The following HDAC9 variants were observed in gnomAD, a reference collection of about 807,000 sequenced individuals.
HDAC9 encodes MEF-2 interacting transcription repressor (MITR) protein.
A neutral mutation model predicts 139.4 loss-of-function variants in HDAC9; 41 were observed. That is an observed-to-expected ratio of 0.29 (90% CI 0.23 to 0.38). HDAC9 has a LOEUF of 0.38. HDAC9 is among the 10% of genes least tolerant of loss of function. HDAC9 has a pLI of 1.00. For missense variants in HDAC9, 1,147 were observed against 1,297.0 expected (o/e 0.88, Z 1.78); for synonymous variants, 517 against 476.2 (o/e 1.09, Z -1.12).
intron 1 of HDAC9, among the ~76,000 whole-genome samples, chr7:18,471,330 G>A (rs140093549): frequency 6.6e-6 from 1 of 152,140 alleles, no homozygotes. Flanking sequence ...TGATATCTGG[G>A]TAATCAAGTC....
chr7:18,877,864 A>G (rs148398577), intron 22 of HDAC9, among the ~76,000 whole-genome samples: 1 of 152,134 alleles, frequency 6.6e-6, no homozygotes, highest in African/African-American at 2.4e-5. Context: ...GTTTTCTGTT[A>G]TGAAACTACA....
chr7:18,621,368 A>G (rs953696608), intron 6 of HDAC9, among the ~76,000 whole-genome samples: 15 of 152,004 alleles, frequency 9.9e-5, no homozygotes, highest in Non-Finnish European at 2.9e-5. Flanking sequence ...CATAATCGGA[A>G]GCAAGCAATA....
intron 1 of HDAC9, among the ~76,000 whole-genome samples, chr7:18,441,502 A>G (rs111511086): frequency 0.032 from 4,900 of 152,280 alleles, 96 homozygotes; most frequent in African/African-American, 0.057. Flanking sequence ...TTTTCTATAT[A>G]GTGGTACAAC....
rs185489638 is a variant in HDAC9 at position 18,567,285 on chromosome 7, C to G, written c.23-17996C>G. On this transcript the variant is annotated intron_variant, in intron 2 of 25. Transcript: ENST00000686413. Reference sequence around the variant, plus strand: ...GGTTCTATGGCTATACTTCTCCCCCCTAACTGGGCAAGGCGAGGAAACCTG... The same window carrying G: ...GGTTCTATGGCTATACTTCTCCCCCGTAACTGGGCAAGGCGAGGAAACCTG... 1.3e-4 allele frequency among the ~76,000 whole-genome samples: 20 copies of G among 152,262 alleles called. No homozygotes were observed. In the South Asian group the frequency reaches 2.3e-3, roughly 17 times the overall value.
chr7:18,636,859 A>G (rs1370127311), intron 8 of HDAC9, among the ~76,000 whole-genome samples: 1 of 141,378 alleles, frequency 7.1e-6, no homozygotes, highest in Non-Finnish European at 1.5e-5. Context: ...TTCCAGGAAA[A>G]GAACAACTTG....
chr7:18,759,675 G>A (rs973644096), intron 14 of HDAC9, among the ~76,000 whole-genome samples: 1 of 152,116 alleles, frequency 6.6e-6, no homozygotes, highest in Non-Finnish European at 1.5e-5. Flanking sequence ...TGTCTTCCAC[G>A]AAACTGGTCT....
At chr7:18,767,299 A>T (rs1237821736) in intron 16 of HDAC9, 144 bp downstream of exon 16, 1 of 488,342 alleles carries the variant, frequency 2.0e-6, no homozygotes, top group Non-Finnish European at 3.7e-6. Flanking sequence ...TGCAGAGCTA[A>T]GTGCCAAGTA....
chr7:18,298,303 T>C (rs1479360470), intron 1 of HDAC9, among the ~76,000 whole-genome samples: 1 of 151,896 alleles, frequency 6.6e-6, no homozygotes, highest in Non-Finnish European at 1.5e-5. Flanking sequence ...TTTTTTATTA[T>C]ACTTTAAGTT....
chr7:18,933,357 T>C (rs1804952158), intron 22 of HDAC9, among the ~76,000 whole-genome samples: 1 of 151,986 alleles, frequency 6.6e-6, no homozygotes, highest in Non-Finnish European at 1.5e-5. Flanking sequence ...CTAATCTGGA[T>C]TAAAGAGTGC....
chr7:18,639,862 T>C (rs898057000), intron 8 of HDAC9, among the ~76,000 whole-genome samples: 1 of 151,960 alleles, frequency 6.6e-6, no homozygotes, highest in Non-Finnish European at 1.5e-5. Flanking sequence ...AGTCTCAGGC[T>C]GAAGGTTCTG....
At chr7:18,452,652 A>G (rs557308106) in intron 1 of HDAC9, among the ~76,000 whole-genome samples, 5 of 152,282 alleles carry the variant, frequency 3.3e-5, no homozygotes, top group Admixed American at 2.6e-4. Context: ...AGTGGGAGGT[A>G]ATTGAATCAT....
intron 21 of HDAC9, among the ~76,000 whole-genome samples, chr7:18,848,044 T>C (rs1443860345): frequency 6.6e-6 from 1 of 152,176 alleles, no homozygotes; most frequent in Non-Finnish European, 1.5e-5. Context: ...ATTTATCCAA[T>C]ACTCTTTTCT....
At chr7:18,629,600 G>A in intron 7 of HDAC9, 119 bp downstream of exon 7, 1 of 1,000,234 alleles carries the variant, frequency 1.0e-6, no homozygotes, top group Non-Finnish European at 1.4e-6. Flanking sequence ...TTTCTTGAAA[G>A]GAAATTATAT....
At chr7:18,269,596 C>T (rs1796222399) in intron 2 of HDAC9, among the ~76,000 whole-genome samples, 1 of 152,034 alleles carries the variant, frequency 6.6e-6, no homozygotes. Context: ...GTGGTGTGTG[C>T]CTATAGTCCC....
At chr7:18,404,431 T>C (rs766961796) in intron 1 of HDAC9, among the ~76,000 whole-genome samples, 4 of 152,168 alleles carry the variant, frequency 2.6e-5, no homozygotes, top group Non-Finnish European at 5.9e-5. Context: ...AGGTTGTATA[T>C]TGGAGAATTA....
chr7:18,305,485 C>A (rs529492992), intron 1 of HDAC9, among the ~76,000 whole-genome samples: 187 of 152,286 alleles, frequency 1.2e-3, no homozygotes, highest in African/African-American at 4.1e-3. Flanking sequence ...AGCTAGAAAT[C>A]CACATTCACA....
In HDAC9 at chr7:18,188,854, C is replaced by T. The variant is rs896158618; in HGVS notation, c.25+26505C>T. ...AAGTCAGGAAACAATAAGATGCTGG[C>T]GAGGCTTTGGAGAAATAGGAATGCT... On this transcript the variant is annotated intron_variant, in intron 2 of 12. Coordinates refer to the HDAC9 transcript ENST00000417496. Among the ~76,000 whole-genome samples, 24 of 151,958 alleles carry T rather than the reference C, an allele frequency of 1.6e-4. No individual in the cohort carries two copies. The East Asian group carries it at 2.1e-3, about 14-fold the overall frequency.
At chr7:18,109,418 T>A (rs1257864360) in intron 1 of HDAC9, among the ~76,000 whole-genome samples, 1 of 152,146 alleles carries the variant, frequency 6.6e-6, no homozygotes, top group East Asian at 1.9e-4. Flanking sequence ...GATGATAAGT[T>A]ATCCAGTCCC....
chr7:18,496,069 C>A, intron 1 of HDAC9, 46 bp downstream of exon 1: 1 of 1,418,208 alleles, frequency 7.1e-7, no homozygotes, highest in Non-Finnish European at 9.3e-7. Flanking sequence ...AAAGTGGATG[C>A]CCATTTGAGC....
Sources: gnomAD v4.1 joint callset for allele counts (sites outside exome capture counted in the v4.1 genomes callset) on GRCh38, gnomAD v4.1.1 for gene constraint, MANE v1.5 for transcripts, NCBI Gene and HGNC (gene_info 2026-07-23, HGNC 2026-07-21) for gene names.